Variants in ADGRB3 observed in about 807,000 individuals in gnomAD.
ADGRB3 encodes brain-specific angiogenesis inhibitor 3.
Under a neutral mutation model 193.4 loss-of-function variants are expected in ADGRB3, and 37 were observed. That is an observed-to-expected ratio of 0.19 (90% CI 0.15 to 0.25). ADGRB3 has a LOEUF of 0.25. Among genes scored for constraint, ADGRB3 ranks in the 10% least tolerant of loss-of-function variants. The probability of loss-of-function intolerance (pLI) is 1.00; values close to 1 mark genes in which losing one functional copy is unlikely to be tolerated. For missense variants in ADGRB3, 1,637 were observed against 1,852.9 expected (o/e 0.88, Z 2.14); for synonymous variants, 690 against 644.2 (o/e 1.07, Z -1.08).
Position 68,930,553 on chromosome 6 carries a change from C to G in ADGRB3, c.758-6C>G, listed in dbSNP as rs1414181920. ...AAGCTTTCATATACCTTTATTCTGT[C>G]TTTAGAATTTGGAATGATGGGAGAT... On this transcript the variant is annotated splice_region_variant and splice_polypyrimidine_tract_variant and intron_variant, in intron 3 of 31. Transcript: ENST00000370598. 1 of 1,596,048 alleles carries G rather than the reference C, an allele frequency of 6.3e-7. No homozygotes were observed.
intron 17 of ADGRB3, among the ~76,000 whole-genome samples, chr6:69,145,147 A>C (rs1774450315): frequency 6.6e-6 from 1 of 152,136 alleles, no homozygotes; most frequent in Non-Finnish European, 1.5e-5. Context: ...CAGCCTGACA[A>C]GCATACTCGG....
At chr6:69,062,896 A>T in intron 15 of ADGRB3, 38 bp from the exon 16 acceptor site, 2 of 1,447,484 alleles carry the variant, frequency 1.4e-6, no homozygotes, top group Non-Finnish European at 1.9e-6. Flanking sequence ...ACTTTTCAGC[A>T]CTCATTTCTC....
intron 11 of ADGRB3, among the ~76,000 whole-genome samples, chr6:68,995,159 G>GAT (rs1266532029): frequency 4.6e-5 from 7 of 152,134 alleles, no homozygotes; most frequent in Non-Finnish European, 1.0e-4. Context: ...ACATTTCAAA[G>GAT]ATGCTTTTCT....
intron 3 of ADGRB3, among the ~76,000 whole-genome samples, chr6:68,772,946 AAAAT>A (rs1467897303): frequency 1.6e-5 from 1 of 62,016 alleles, no homozygotes; most frequent in African/African-American, 8.1e-5. Flanking sequence ...TACACACACA[AAAAT>A]AAAAAATAAA....
At chr6:69,138,906 G>T (rs1432534337) in intron 17 of ADGRB3, among the ~76,000 whole-genome samples, 1 of 152,198 alleles carries the variant, frequency 6.6e-6, no homozygotes, top group Non-Finnish European at 1.5e-5. Context: ...TCTAGAGGAA[G>T]ATATTATTTG....
At chr6:69,353,900 C>A (rs1769280881) in intron 26 of ADGRB3, among the ~76,000 whole-genome samples, 1 of 151,970 alleles carries the variant, frequency 6.6e-6, no homozygotes, top group East Asian at 1.9e-4. Context: ...CCCATCTCTA[C>A]TAAAAATACA....
chr6:69,253,603 G>A (rs939631760), intron 20 of ADGRB3, among the ~76,000 whole-genome samples: 3 of 152,076 alleles, frequency 2.0e-5, no homozygotes, highest in African/African-American at 7.2e-5. Flanking sequence ...AAGAGTTGAA[G>A]AGAAATTAGG....
chr6:68,924,124 A>G (rs569132518), intron 3 of ADGRB3, among the ~76,000 whole-genome samples: 1 of 152,026 alleles, frequency 6.6e-6, no homozygotes, highest in Non-Finnish European at 1.5e-5. Context: ...AATAAAACAT[A>G]TTTTTAAGCA....
At chr6:68,956,603 T>C in intron 7 of ADGRB3, 42 bp from the exon 8 acceptor site, 1 of 1,608,494 alleles carries the variant, frequency 6.2e-7, no homozygotes, top group South Asian at 1.1e-5. Flanking sequence ...TAAAGGAGTG[T>C]GTGGTAGATG....
intron 6 of ADGRB3, among the ~76,000 whole-genome samples, chr6:68,945,384 A>G (rs989186408): frequency 7.9e-5 from 12 of 152,144 alleles, no homozygotes; most frequent in Admixed American, 3.3e-4. Flanking sequence ...TAGAAAATCT[A>G]TTTATGAGAT....
intron 3 of ADGRB3, among the ~76,000 whole-genome samples, chr6:68,643,195 T>C (rs1768122376): frequency 6.6e-6 from 1 of 152,222 alleles, no homozygotes; most frequent in African/African-American, 2.4e-5. Flanking sequence ...TTTGTCTTTC[T>C]ACTCTGCCTT....
At chr6:68,886,876 A>T (rs935292451) in intron 3 of ADGRB3, among the ~76,000 whole-genome samples, 1 of 151,926 alleles carries the variant, frequency 6.6e-6, no homozygotes, top group African/African-American at 2.4e-5. Context: ...ATTTCTGTGA[A>T]TGTCTCCTGA....
chr6:68,707,703 A>T (rs1466101473), intron 3 of ADGRB3, among the ~76,000 whole-genome samples: 1 of 152,194 alleles, frequency 6.6e-6, no homozygotes, highest in Non-Finnish European at 1.5e-5. Context: ...AAGTAAATTG[A>T]TGGATAAAAT....
intron 20 of ADGRB3, among the ~76,000 whole-genome samples, chr6:69,264,233 A>C (rs2127275352): frequency 6.6e-6 from 1 of 152,156 alleles, no homozygotes; most frequent in East Asian, 1.9e-4. Flanking sequence ...ATGAAAGTTA[A>C]ATAAAACTAG....
chr6:69,006,624 G>A (rs1769763772), intron 11 of ADGRB3, among the ~76,000 whole-genome samples: 2 of 151,444 alleles, frequency 1.3e-5, no homozygotes, highest in South Asian at 2.1e-4. Context: ...TCCTGCCTTA[G>A]CCTCCTAAGT....
chr6:69,245,535 T>C (rs1398009749), intron 20 of ADGRB3, among the ~76,000 whole-genome samples: 1 of 152,102 alleles, frequency 6.6e-6, no homozygotes, highest in East Asian at 1.9e-4. Flanking sequence ...TCCATACTGT[T>C]TCTATTTTAC....
chr6:68,778,311 A>T (rs1766789717), intron 3 of ADGRB3, among the ~76,000 whole-genome samples: 1 of 152,060 alleles, frequency 6.6e-6, no homozygotes, highest in East Asian at 1.9e-4. Context: ...TGTTGGAAAA[A>T]CTAGATCTTT....
At chr6:68,772,887 AAAAAAAAATATATATATATATAT>A (rs1439785898) in intron 3 of ADGRB3, among the ~76,000 whole-genome samples, 7 of 48,292 alleles carry the variant, frequency 1.4e-4, no homozygotes, top group African/African-American at 3.4e-4. Context: ...ACAAACAAAA[AAAAAAAAATATATATATATATAT>A]ATATATATAT....
At chr6:68,741,723 A>G (rs1346243433) in intron 3 of ADGRB3, among the ~76,000 whole-genome samples, 1 of 152,162 alleles carries the variant, frequency 6.6e-6, no homozygotes, top group African/African-American at 2.4e-5. Flanking sequence ...CTTTTCTATC[A>G]TAAGTATAGA....
Sources: gnomAD v4.1 joint callset for allele counts (sites outside exome capture counted in the v4.1 genomes callset) on GRCh38, gnomAD v4.1.1 for gene constraint, MANE v1.5 for transcripts, NCBI Gene and HGNC (gene_info 2026-07-23, HGNC 2026-07-21) for gene names.